The following IMMP2L variants were observed in gnomAD, a reference collection of about 807,000 sequenced individuals.
IMMP2L encodes inner mitochondrial membrane peptidase subunit 2.
Under a neutral mutation model 19.3 loss-of-function variants are expected in IMMP2L, and 18 were observed. The observed-to-expected ratio is 0.93, with a 90% confidence interval of 0.64 to 1.38. IMMP2L has a LOEUF of 1.38. Among genes scored for constraint, IMMP2L ranks in the 40% most tolerant of loss-of-function variants. IMMP2L has a pLI of 0.00. For synonymous variants in IMMP2L, 76 were observed against 73.0 expected (o/e 1.04, Z -0.21); for missense variants, 233 against 218.2 (o/e 1.07, Z -0.43).
intron 3 of IMMP2L, among the ~76,000 whole-genome samples, chr7:111,229,552 A>C (rs1233241642): frequency 6.6e-6 from 1 of 152,016 alleles, no homozygotes; most frequent in Non-Finnish European, 1.5e-5. Context: ...TCACATTCCC[A>C]CCGTCTCCTT....
chr7:110,857,002 A>AATGTG (rs1806861999), intron 5 of IMMP2L, among the ~76,000 whole-genome samples: 1 of 152,072 alleles, frequency 6.6e-6, no homozygotes, highest in African/African-American at 2.4e-5. Flanking sequence ...GTAACAGGTC[A>AATGTG]ATGTGTTCAA....
At chr7:110,860,254 T>G (rs1015614739) in intron 5 of IMMP2L, among the ~76,000 whole-genome samples, 2 of 152,104 alleles carry the variant, frequency 1.3e-5, no homozygotes, top group Non-Finnish European at 2.9e-5. Context: ...ATAGCAAATT[T>G]TTCATTTATC....
At chr7:111,252,632 A>T (rs1816275989) in intron 3 of IMMP2L, among the ~76,000 whole-genome samples, 1 of 152,166 alleles carries the variant, frequency 6.6e-6, no homozygotes, top group Non-Finnish European at 1.5e-5. Flanking sequence ...ATTAGGTTTG[A>T]AGCCAACACT....
chr7:111,132,251 G>A (rs930335030), intron 3 of IMMP2L, among the ~76,000 whole-genome samples: 8 of 151,952 alleles, frequency 5.3e-5, no homozygotes, highest in African/African-American at 1.9e-4. Context: ...TGGAAGGCTA[G>A]GGACTTTTAA....
chr7:111,435,991 A>G (rs1172106629), intron 3 of IMMP2L, among the ~76,000 whole-genome samples: 1 of 151,724 alleles, frequency 6.6e-6, no homozygotes, highest in Non-Finnish European at 1.5e-5. Flanking sequence ...CTTGGCACTC[A>G]TGGGATTTTC....
At chr7:111,259,657 TAA>T in intron 3 of IMMP2L, among the ~76,000 whole-genome samples, 1 of 33,974 alleles carries the variant, frequency 2.9e-5, no homozygotes, top group South Asian at 2.1e-3. Flanking sequence ...TTTAAAACAA[TAA>T]TAATAATAAT....
chr7:111,446,124 T>C (rs1838372773), intron 3 of IMMP2L, among the ~76,000 whole-genome samples: 1 of 146,434 alleles, frequency 6.8e-6, no homozygotes, highest in African/African-American at 2.5e-5. Context: ...GCAGCAAGGC[T>C]GGGGGAGGGG....
chr7:111,015,771 A>G (rs1246347316), intron 3 of IMMP2L, among the ~76,000 whole-genome samples: 1 of 152,000 alleles, frequency 6.6e-6, no homozygotes, highest in Non-Finnish European at 1.5e-5. Context: ...CAGTCCCAGA[A>G]CTCTGTGAAT....
rs148452208 is a variant in IMMP2L, at chr7:110,922,458, C to T, written c.306-35763G>A. Among the ~76,000 whole-genome samples, 406 of 152,212 alleles carry T rather than the reference C, an allele frequency of 2.7e-3. 1 individual carries two copies. Among genetic ancestry groups the T allele is most frequent in the African/African-American group, 9.4e-3 (390 of 41,550 alleles). On this transcript the variant is annotated intron_variant, in intron 4 of 5. Coordinates refer to ENST00000405709, the MANE Select transcript of IMMP2L (RefSeq NM_032549.4). Reference sequence around the variant, plus strand: ...AAACATACATGTAAAATACAAAACTCCCCATCTATTCTTGATATACTTTGA... The same window carrying T: ...AAACATACATGTAAAATACAAAACTTCCCATCTATTCTTGATATACTTTGA...
At chr7:111,553,803 C>T (rs1336620139) in intron 1 of IMMP2L, among the ~76,000 whole-genome samples, 1 of 152,134 alleles carries the variant, frequency 6.6e-6, no homozygotes, top group African/African-American at 2.4e-5. Flanking sequence ...TCCTATCTTA[C>T]AGGACAAGGT....
At chr7:111,431,931 A>C (rs891863211) in intron 3 of IMMP2L, among the ~76,000 whole-genome samples, 1 of 141,892 alleles carries the variant, frequency 7.0e-6, no homozygotes, top group Non-Finnish European at 1.5e-5. Flanking sequence ...CCTCAGATTT[A>C]AAAAAAAAAT....
intron 3 of IMMP2L, among the ~76,000 whole-genome samples, chr7:111,306,533 G>A (rs572920165): frequency 1.3e-5 from 2 of 151,722 alleles, no homozygotes; most frequent in African/African-American, 2.4e-5. Flanking sequence ...TGGTATCTAT[G>A]TCAACAAATT....
At chr7:110,838,110 T>C (rs1191592562) in intron 5 of IMMP2L, among the ~76,000 whole-genome samples, 1 of 152,140 alleles carries the variant, frequency 6.6e-6, no homozygotes, top group Non-Finnish European at 1.5e-5. Context: ...GAATTTGTAA[T>C]AGACTAGTTT....
chr7:111,092,889 C>T (rs904454273), intron 3 of IMMP2L, among the ~76,000 whole-genome samples: 2 of 152,164 alleles, frequency 1.3e-5, no homozygotes, highest in Admixed American at 6.5e-5. Flanking sequence ...TTCAACTAAC[C>T]ACACAGTTAA....
rs762389009 is a variant in IMMP2L, at chr7:111,009,363, T to C, written c.240-45798A>G. ...TTGTGGATTCAGTTCAGAACATATATGCATTTTTTTCTGAGTGTATTTTTT... is the reference window on the plus strand; with the variant it reads ...TTGTGGATTCAGTTCAGAACATATACGCATTTTTTTCTGAGTGTATTTTTT... On this transcript the variant is annotated intron_variant, in intron 3 of 5. Transcript: ENST00000405709. Among the ~76,000 whole-genome samples the C allele has an allele frequency of 5.3e-5, 8 of 152,234 alleles. No individual in the cohort carries two copies. In the Middle Eastern group the frequency reaches 0.01, roughly 194 times the overall value.
intron 3 of IMMP2L, among the ~76,000 whole-genome samples, chr7:111,016,451 A>G (rs1472956489): frequency 3.7e-5 from 5 of 134,786 alleles, no homozygotes; most frequent in Non-Finnish European, 1.5e-5. Context: ...AATTATATAT[A>G]ATAAATATAT....
At chr7:110,823,162 T>A (rs1177449375) in intron 5 of IMMP2L, among the ~76,000 whole-genome samples, 1 of 152,096 alleles carries the variant, frequency 6.6e-6, no homozygotes, top group Admixed American at 6.6e-5. Context: ...ATAAAAGAAA[T>A]AAAGAATAAT....
intron 4 of IMMP2L, among the ~76,000 whole-genome samples, chr7:110,954,291 T>C (rs1389360606): frequency 6.6e-6 from 1 of 152,116 alleles, no homozygotes; most frequent in Non-Finnish European, 1.5e-5. Context: ...GGGGTTTTAG[T>C]GCATCTTCAT....
At chr7:110,676,776 A>G (rs142725599) in intron 5 of IMMP2L, among the ~76,000 whole-genome samples, 1 of 152,330 alleles carries the variant, frequency 6.6e-6, no homozygotes, top group East Asian at 1.9e-4. Context: ...AAGTATTTTT[A>G]AAAGGTAGAA....
Sources: allele counts gnomAD v4.1 joint callset (sites outside exome capture counted in the v4.1 genomes callset), GRCh38; gene constraint gnomAD v4.1.1; transcripts MANE v1.5; gene names NCBI Gene and HGNC (gene_info 2026-07-23, HGNC 2026-07-21).